Variants in MSRA observed in about 807,000 individuals in gnomAD.
MSRA encodes the protein methionine sulfoxide reductase A, also known as mitochondrial peptide methionine sulfoxide reductase.
Under a neutral mutation model 31.3 loss-of-function variants are expected in MSRA, and 54 were observed. The observed-to-expected ratio is 1.73, with a 90% CI of 1.39 to 2.17. The LOEUF (loss-of-function observed/expected upper bound fraction) is 2.17. MSRA is among the 30% of genes most tolerant of loss of function. MSRA has a pLI of 0.00. For missense variants in MSRA, 507 were observed against 300.9 expected, an observed-to-expected ratio of 1.69 and a Z score of -5.07; for synonymous variants, 169 against 116.5, an observed-to-expected ratio of 1.45 and a Z score of -2.90.
At chr8:10,309,795 C>G (rs913411076) in intron 4 of MSRA, among the ~76,000 whole-genome samples, 1 of 152,136 alleles carries the variant, frequency 6.6e-6, no homozygotes, top group Non-Finnish European at 1.5e-5. Context: ...GCTTCCCTGC[C>G]AGACGTGTGC....
At chr8:10,167,279 G>A (rs975493540) in intron 1 of MSRA, among the ~76,000 whole-genome samples, 7 of 152,188 alleles carry the variant, frequency 4.6e-5, no homozygotes, top group African/African-American at 1.7e-4. Flanking sequence ...TCCAAAGGCA[G>A]CCGATACTGC....
rs1323012107 is a variant in MSRA at position 10,351,933 on chromosome 8, AAGAGAACCC to A, written c.543+31947_543+31955del. On this transcript the variant is annotated intron_variant, in intron 5 of 5. Coordinates refer to ENST00000317173, the MANE Select transcript of MSRA (RefSeq NM_012331.5). ...CTGTCCGACGGCCACATTTAATGAG[AAGAGAACCC>A]AGCTGTGTGGTTGTTGACTGCGATG... is the stretch of plus-strand genomic sequence containing the variant. 2.0e-5 allele frequency among the ~76,000 whole-genome samples: 3 copies of A among 152,342 alleles called. No homozygotes were observed. The East Asian group carries it at 5.8e-4, about 29-fold the overall frequency.
At chr8:10,095,738 G>C in intron 1 of MSRA, 1 of 1,110,086 alleles carries the variant, frequency 9.0e-7, no homozygotes, top group Non-Finnish European at 1.1e-6. Flanking sequence ...AACTTAGAAG[G>C]CTTTTTAAGT....
At chr8:10,141,241 G>GC (rs1265619956) in intron 1 of MSRA, among the ~76,000 whole-genome samples, 2 of 152,218 alleles carry the variant, frequency 1.3e-5, no homozygotes, top group East Asian at 3.9e-4. Flanking sequence ...TGTGTGCCTC[G>GC]CCCCTCACGC....
chr8:10,323,648 T>A (rs1802184093), intron 5 of MSRA, among the ~76,000 whole-genome samples: 1 of 152,160 alleles, frequency 6.6e-6, no homozygotes, highest in South Asian at 2.1e-4. Context: ...TATCCTTTCA[T>A]TATTTTTGTA....
chr8:10,357,421 C>T (rs1002157782), intron 5 of MSRA, among the ~76,000 whole-genome samples: 2 of 152,270 alleles, frequency 1.3e-5, no homozygotes, highest in South Asian at 2.1e-4. Context: ...CCAATTAGGT[C>T]GTTTTCAATA....
At chr8:10,426,843 G>A (rs1809197701) in intron 5 of MSRA, among the ~76,000 whole-genome samples, 1 of 152,174 alleles carries the variant, frequency 6.6e-6, no homozygotes, top group South Asian at 2.1e-4. Context: ...ACAAAAAATT[G>A]TCAAAACTGA....
intron 5 of MSRA, among the ~76,000 whole-genome samples, chr8:10,427,627 G>A (rs966581102): frequency 1.3e-5 from 2 of 152,126 alleles, no homozygotes; most frequent in African/African-American, 4.8e-5. Context: ...AGTGGGCTGG[G>A]GTCCTGTTCC....
At chr8:10,329,818 CG>C (rs896728815) in intron 5 of MSRA, among the ~76,000 whole-genome samples, 1 of 151,732 alleles carries the variant, frequency 6.6e-6, no homozygotes, top group South Asian at 2.1e-4. Context: ...TTTCCTCTCT[CG>C]GGGGTCTTTA....
intron 5 of MSRA, among the ~76,000 whole-genome samples, chr8:10,395,612 G>A (rs1194271115): frequency 6.6e-6 from 1 of 152,176 alleles, no homozygotes; most frequent in Admixed American, 6.5e-5. Context: ...CATCATGAAT[G>A]AGTCATCTCA....
In MSRA at chr8:10,266,728, C is replaced by T. The variant is rs138796138; in HGVS notation, c.331+21505C>T. 5.4e-3 allele frequency among the ~76,000 whole-genome samples: 826 copies of T among 152,026 alleles called. 8 individuals are homozygous for T. Among genetic ancestry groups the T allele is most frequent in the African/African-American group, 0.019 (770 of 41,460 alleles). On this transcript the variant is annotated intron_variant, in intron 3 of 5. Coordinates refer to ENST00000317173, the MANE Select transcript of MSRA (RefSeq NM_012331.5). The stretch of plus-strand genomic sequence containing the variant: ...AAGATGTACATTTAAGTCTGCAATC[C>T]ATTTTGATTAATTTTTATATATAGT...
chr8:10,346,721 A>G (rs1803799777), intron 5 of MSRA, among the ~76,000 whole-genome samples: 5 of 152,202 alleles, frequency 3.3e-5, no homozygotes. Context: ...AGGGGTACCT[A>G]TTTAGCTTTC....
At chr8:10,365,904 C>G (rs946369529) in intron 5 of MSRA, among the ~76,000 whole-genome samples, 1 of 152,214 alleles carries the variant, frequency 6.6e-6, no homozygotes, top group Non-Finnish European at 1.5e-5. Context: ...GCTCTCCATC[C>G]CTTCCTACCT....
intron 5 of MSRA, among the ~76,000 whole-genome samples, chr8:10,343,331 C>G (rs749274817): frequency 2.5e-4 from 38 of 152,264 alleles, no homozygotes; most frequent in African/African-American, 8.7e-4. Context: ...ATGTCAGACC[C>G]AACAATCCAT....
chr8:10,344,776 G>T (rs1019100398), intron 5 of MSRA, among the ~76,000 whole-genome samples: 4 of 152,048 alleles, frequency 2.6e-5, no homozygotes. Flanking sequence ...TGTGTGAGGT[G>T]GTGTACAAGA....
chr8:10,078,813 C>G (rs1029932063), intron 1 of MSRA, among the ~76,000 whole-genome samples: 2 of 152,248 alleles, frequency 1.3e-5, no homozygotes, highest in East Asian at 3.8e-4. Context: ...GCCTCTCTTT[C>G]CTTAAGGCAG....
At chr8:10,334,220 GTA>G (rs1802887203) in intron 5 of MSRA, among the ~76,000 whole-genome samples, 1 of 151,036 alleles carries the variant, frequency 6.6e-6, no homozygotes, top group Non-Finnish European at 1.5e-5. Flanking sequence ...GTGTGTCTGG[GTA>G]TATATACACA....
intron 3 of MSRA, among the ~76,000 whole-genome samples, chr8:10,267,750 A>G (rs1187232087): frequency 2.6e-5 from 4 of 152,208 alleles, no homozygotes; most frequent in African/African-American, 7.2e-5. Flanking sequence ...GCTATCTGCC[A>G]GAAGGGGAAG....
At chr8:10,106,276 G>A (rs1019564003) in intron 1 of MSRA, among the ~76,000 whole-genome samples, 4 of 152,112 alleles carry the variant, frequency 2.6e-5, no homozygotes, top group East Asian at 1.9e-4. Flanking sequence ...TATTGTACTC[G>A]TTTGCCATTT....
Sources: gnomAD v4.1 joint callset for allele counts (sites outside exome capture counted in the v4.1 genomes callset) on GRCh38, gnomAD v4.1.1 for gene constraint, MANE v1.5 for transcripts, NCBI Gene and HGNC (gene_info 2026-07-23, HGNC 2026-07-21) for gene names.